The following SERPINA12 variants were observed in gnomAD, a reference collection of about 807,000 sequenced individuals.
The protein encoded by SERPINA12 is serpin family A member 12, also known as serpin A12.
In SERPINA12, 21 loss-of-function variants were observed where a neutral mutation model predicts 25.9. That is an observed-to-expected ratio of 0.81 (90% CI 0.58 to 1.17). The LOEUF (loss-of-function observed/expected upper bound fraction) is 1.17. SERPINA12 is among the 50% of genes most tolerant of loss of function. SERPINA12 has a pLI of 0.00. For synonymous variants in SERPINA12, 220 were observed against 196.0 expected (o/e 1.12, Z -1.02); for missense variants, 562 against 508.3 (o/e 1.11, Z -1.02).
At chr14:94,489,149 GAGAAAGAA>G (rs531509590) in intron 4 of SERPINA12, among the ~76,000 whole-genome samples, 1 of 145,822 alleles carries the variant, frequency 6.9e-6, no homozygotes, top group East Asian at 2.0e-4. Flanking sequence ...GAGAGAGAGA[GAGAAAGAA>G]AGAAAGAAAG....
intron 2 of SERPINA12, among the ~76,000 whole-genome samples, chr14:94,515,018 C>A (rs1901196695): frequency 6.6e-6 from 1 of 152,186 alleles, no homozygotes; most frequent in African/African-American, 2.4e-5. Context: ...GCCAAAGCCA[C>A]CAGCCACACA....
chr14:94,501,661 T>TGGGGGGGGGCGGGGAC, intron 1 of SERPINA12, among the ~76,000 whole-genome samples: 1 of 69,516 alleles, frequency 1.4e-5, no homozygotes, highest in Admixed American at 1.4e-4. Flanking sequence ...TGCCACCACC[T>TGGGGGGGGGCGGGGAC]CCCCGCCCCC....
intron 1 of SERPINA12, among the ~76,000 whole-genome samples, chr14:94,502,115 GA>G (rs11336348): frequency 0.41 from 61,113 of 147,632 alleles, 14,379 homozygotes; most frequent in African/African-American, 0.66. Context: ...ACAAAACCAA[GA>G]AAAAAAAAAG....
At position 94,496,276 on chromosome 14, in the gene SERPINA12, A is replaced by G. The variant is rs559929579; in HGVS notation, c.905+97T>C. 481 of 1,200,266 alleles carry G rather than the reference A, an allele frequency of 4.0e-4. 1 individual carries two copies. The highest frequency in any genetic ancestry group is 5.2e-4 in the Non-Finnish European group (432 of 829,660). 74.4% of individuals were successfully genotyped at this position (1,200,266 alleles called of 1,614,324 possible). On this transcript the variant is annotated intron_variant, in intron 3 of 4. Coordinates refer to ENST00000677451, the MANE Select transcript of SERPINA12 (RefSeq NM_001382267.1). ...ATGATATAAGTTTATTATAGAGCCC[A>G]GAAGAGGACTTGGCCATGAGGTAAG...
chr14:94,509,415 C>T lies in SERPINA12; in HGVS notation c.-107G>A, dbSNP rs1390696660. Among the ~76,000 whole-genome samples the T allele has an allele frequency of 6.6e-6, 1 of 152,108 alleles. No individual in the cohort carries two copies. The highest frequency in any genetic ancestry group is 1.5e-5 in the Non-Finnish European group (1 of 68,028). On this transcript the variant is annotated 5_prime_UTR_variant, in exon 1 of 5. Transcript: ENST00000677451. ...TTCCCCAGTTGTTGCTGATCCCAGC[C>T]TCCTAGTCCTTTTTCGGTCCTGGTC... is the stretch of plus-strand genomic sequence containing the variant.
At chr14:94,516,272 C>T (rs779831515) in intron 1 of SERPINA12, 1 of 152,662 alleles carries the variant, frequency 6.6e-6, no homozygotes, top group Non-Finnish European at 1.5e-5. Context: ...CCCAGAACCT[C>T]TGCAGGTCAG....
rs1421924637 is a variant in SERPINA12 at position 94,498,060 on chromosome 14, T to G, written c.338A>C (p.His113Pro). 6.2e-7 allele frequency: 1 copy of G among 1,614,190 alleles called. No individual in the cohort carries two copies. The highest frequency in any genetic ancestry group is 1.7e-5 in the Admixed American group (1 of 60,022). The change falls in exon 2 of 5, where the codon CAT (histidine) becomes CCT (proline). Residue 113 changes from histidine to proline, a missense_variant. Transcript: ENST00000677451. ...NFRKMPEKDL[H>P]EGFHYIIHEL... is the part of the protein sequence containing the mutation. ...GTGGATGATGTAATGGAAGCCCTCA[T>G]GAAGATCTTTTTCTGGCATCTTTCT...
intron 4 of SERPINA12, among the ~76,000 whole-genome samples, chr14:94,489,273 A>G (rs923649946): frequency 6.7e-6 from 1 of 150,124 alleles, no homozygotes; most frequent in African/African-American, 2.5e-5. Flanking sequence ...AGAGAAAGAA[A>G]GAAAGAAAAG....
At chr14:94,517,517 G>A (rs1486024359) in exon 1 of SERPINA12, 3 of 152,196 alleles carry the variant, frequency 2.0e-5, no homozygotes, top group African/African-American at 4.8e-5. Context: ...GTGTGTCTAC[G>A]GATCTGGACG....
chr14:94,502,906 C>T (rs1376630810), intron 1 of SERPINA12, among the ~76,000 whole-genome samples: 5 of 152,228 alleles, frequency 3.3e-5, no homozygotes, highest in African/African-American at 1.2e-4. Context: ...ACCCCAGGCC[C>T]TCTGAGATGC....
upstream of SERPINA12, among the ~76,000 whole-genome samples, chr14:94,513,720 G>T (rs1388153236): frequency 6.6e-6 from 1 of 152,206 alleles, no homozygotes; most frequent in East Asian, 1.9e-4. Context: ...ACTCTGGGAT[G>T]AATTTTTAAA....
upstream of SERPINA12, chr14:94,510,346 T>G: frequency 1.3e-6 from 1 of 798,680 alleles, no homozygotes; most frequent in Non-Finnish European, 1.5e-6. Context: ...AAAAAGAGCA[T>G]TTGCTCAACA....
chr14:94,516,125 A>T (rs1177813799), exon 2 of SERPINA12: 1 of 152,536 alleles, frequency 6.6e-6, no homozygotes, highest in African/African-American at 2.4e-5. Flanking sequence ...CTTCCTCCAC[A>T]TGAGCTGGGC....
intron 1 of SERPINA12, among the ~76,000 whole-genome samples, chr14:94,502,497 C>T (rs980583269): frequency 3.3e-5 from 5 of 152,154 alleles, no homozygotes; most frequent in South Asian, 2.1e-4. Flanking sequence ...GCGCTTCCCC[C>T]GTTATCACCA....
Position 94,505,621 on chromosome 14 carries a change from C to T in SERPINA12, c.-34+3721G>A, listed in dbSNP as rs189649597. On this transcript the variant is annotated intron_variant, in intron 1 of 4. Coordinates refer to ENST00000677451, the MANE Select transcript of SERPINA12 (RefSeq NM_001382267.1). Reference sequence around the variant, plus strand: ...TCAGAGCCAGTGAGGTGGACACTGACCCAGAATCCAGGTCTGTACATCTGG... The same window carrying T: ...TCAGAGCCAGTGAGGTGGACACTGATCCAGAATCCAGGTCTGTACATCTGG... 2.4e-3 allele frequency among the ~76,000 whole-genome samples: 367 copies of T among 152,290 alleles called. 6 individuals carry two copies. The highest frequency in any genetic ancestry group is 1.1e-3 in the Non-Finnish European group (73 of 68,028).
At chr14:94,515,525 T>A (rs1400057299) in intron 2 of SERPINA12, among the ~76,000 whole-genome samples, 1 of 152,056 alleles carries the variant, frequency 6.6e-6, no homozygotes, top group Non-Finnish European at 1.5e-5. Flanking sequence ...TGTTCCCATA[T>A]CCCAGGGTCT....
chr14:94,494,159 G>A (rs1900296865), intron 3 of SERPINA12, among the ~76,000 whole-genome samples: 1 of 152,174 alleles, frequency 6.6e-6, no homozygotes, highest in African/African-American at 2.4e-5. Context: ...TGGATGAAGT[G>A]GGGTGGAAGA....
intron 1 of SERPINA12, among the ~76,000 whole-genome samples, chr14:94,501,809 T>C (rs1383478361): frequency 6.6e-6 from 1 of 152,004 alleles, no homozygotes; most frequent in Non-Finnish European, 1.5e-5. Flanking sequence ...ATCTGGCCTT[T>C]CTCCCCCAAA....
intron 3 of SERPINA12, among the ~76,000 whole-genome samples, chr14:94,495,068 T>TA (rs1566807526): frequency 0.022 from 2,959 of 136,298 alleles, 110 homozygotes; most frequent in African/African-American, 0.078. Flanking sequence ...CCCTTTCTTT[T>TA]TTTTTTTTTT....
Sources: allele counts gnomAD v4.1 joint callset (sites outside exome capture counted in the v4.1 genomes callset), GRCh38; gene constraint gnomAD v4.1.1; transcripts MANE v1.5; gene names NCBI Gene and HGNC (gene_info 2026-07-23, HGNC 2026-07-21).